The following SYTL3 variants were observed in gnomAD, a reference collection of about 807,000 sequenced individuals.
SYTL3 encodes the protein synaptotagmin like 3.
In SYTL3, 88 loss-of-function variants were observed where a neutral mutation model predicts 82.1. The observed-to-expected ratio is 1.07, with a 90% CI of 0.90 to 1.28. SYTL3 has a LOEUF of 1.28. SYTL3 is among the 50% of genes most tolerant of loss of function. SYTL3 has a pLI of 0.00. For missense variants in SYTL3, 831 were observed against 757.6 expected (o/e 1.10, Z -1.14); for synonymous variants, 311 against 289.4 (o/e 1.07, Z -0.76).
intron 17 of SYTL3, 98 bp downstream of exon 17, chr6:158,763,607 G>C (rs1280440017): frequency 2.7e-6 from 3 of 1,099,436 alleles, no homozygotes; most frequent in Non-Finnish European, 4.1e-6. Context: ...TGACTTAACT[G>C]GTTTTGAAAT....
In SYTL3 at chr6:158,754,912, G is replaced by A. The variant is rs150273849; in HGVS notation, c.1138-2299G>A. Among the ~76,000 whole-genome samples the A allele has an allele frequency of 2.4e-3, 368 of 152,326 alleles. 3 individuals are homozygous for A. Among genetic ancestry groups the A allele is most frequent in the African/African-American group, 2.9e-3 (121 of 41,572 alleles). Reference sequence around the variant, plus strand: ...TAAGTGGCGTGGCGTTCTAGTAACCGCTTCATTTCTCAGAGGGCAGCAGAT... The same window carrying A: ...TAAGTGGCGTGGCGTTCTAGTAACCACTTCATTTCTCAGAGGGCAGCAGAT... On this transcript the variant is annotated intron_variant, in intron 13 of 17. Transcript: ENST00000611299.
At chr6:158,708,921 C>T (rs148313665) in intron 8 of SYTL3, among the ~76,000 whole-genome samples, 30 of 152,246 alleles carry the variant, frequency 2.0e-4, no homozygotes, top group East Asian at 1.4e-3. Flanking sequence ...TGTCCCAATA[C>T]GCCCAAAGTA....
At chr6:158,758,228 C>T (rs1374429214) in intron 14 of SYTL3, among the ~76,000 whole-genome samples, 2 of 152,228 alleles carry the variant, frequency 1.3e-5, no homozygotes, top group East Asian at 3.9e-4. Context: ...ATCACAAGGT[C>T]AGGAGATTGA....
chr6:158,743,011 AG>A (rs533688348), intron 11 of SYTL3, among the ~76,000 whole-genome samples: 380 of 152,306 alleles, frequency 2.5e-3, no homozygotes, highest in Admixed American at 4.6e-3. Context: ...TTAGCTCCTC[AG>A]GTTCCCCATG....
In SYTL3 at chr6:158,707,271, C is replaced by T. The variant is rs748853493; in HGVS notation, c.436C>T (p.Gln146Ter). 1.2e-5 allele frequency: 19 copies of T among 1,613,774 alleles called. No homozygotes were observed. The Admixed American group carries it at 2.7e-4, about 23-fold the overall frequency. ...TVGGQLLQSY[Q>*]KLSKISVVPP... ...TGGAGGGCAGCTCTTGCAATCTTATCAGAAGCTGAGGTGAGTGTTACAAAG... is the reference window on the plus strand; with the variant it reads ...TGGAGGGCAGCTCTTGCAATCTTATTAGAAGCTGAGGTGAGTGTTACAAAG... The change falls in exon 7 of 18, where the codon CAG (glutamine) becomes TAG (stop). Residue 146 changes from glutamine (Q) to a stop codon, truncating the protein, a stop_gained. Coordinates refer to ENST00000611299, the MANE Select transcript of SYTL3 (RefSeq NM_001242394.2). LOFTEE classifies it high-confidence loss of function.
rs1781822364 is a variant in SYTL3 at position 158,704,861 on chromosome 6, GCAGGGT to G, written c.395-2368_395-2363del. Among the ~76,000 whole-genome samples the G allele has an allele frequency of 8.8e-5, 11 of 124,648 alleles. 1 individual carries two copies. The highest frequency in any genetic ancestry group is 5.3e-4 in the Admixed American group (7 of 13,106). The allele number at this position is 124,648 out of a possible 152,430, so 81.8% of individuals were successfully genotyped here. A position where few individuals can be genotyped will look rare whatever the true frequency, so the allele number is the denominator to read the frequency against. ...CCACATAGGGCAGGAGGGACCCAGG[GCAGGGT>G]GACAGTGAGGGCTGTAAGGCCACAT... On this transcript the variant is annotated intron_variant, in intron 6 of 17. Transcript: ENST00000611299.
intron 6 of SYTL3, among the ~76,000 whole-genome samples, chr6:158,699,404 G>A (rs1040707240): frequency 1.3e-5 from 2 of 152,194 alleles, no homozygotes; most frequent in African/African-American, 2.4e-5. Flanking sequence ...CATGTATAGG[G>A]ATTTGTATCG....
At chr6:158,752,804 CTG>C (rs1164218970) in intron 13 of SYTL3, among the ~76,000 whole-genome samples, 2 of 152,200 alleles carry the variant, frequency 1.3e-5, no homozygotes, top group Non-Finnish European at 2.9e-5. Flanking sequence ...TAGGGGGTGT[CTG>C]TGAGCTGCCA....
intron 4 of SYTL3, 37 bp downstream of exon 4, chr6:158,663,415 T>C (rs1478231874): frequency 3.7e-6 from 6 of 1,607,524 alleles, no homozygotes; most frequent in Middle Eastern, 2.1e-4. Flanking sequence ...TTTGGGTGTT[T>C]AGCTTTCTCT....
At chr6:158,762,905 A>G (rs1790176678) in intron 16 of SYTL3, among the ~76,000 whole-genome samples, 2 of 152,184 alleles carry the variant, frequency 1.3e-5, no homozygotes, top group Admixed American at 6.5e-5. Context: ...CGACAGAACA[A>G]AACTCCGTCT....
intron 2 of SYTL3, among the ~76,000 whole-genome samples, chr6:158,654,086 TC>T (rs1788382728): frequency 1.3e-5 from 2 of 152,206 alleles, no homozygotes; most frequent in Non-Finnish European, 2.9e-5. Flanking sequence ...TGTTTCAAAC[TC>T]CTAGTGCATG....
intron 5 of SYTL3, among the ~76,000 whole-genome samples, chr6:158,673,605 A>G (rs1276963950): frequency 6.6e-6 from 1 of 150,596 alleles, no homozygotes; most frequent in Admixed American, 6.6e-5. Context: ...ATGCCCCCCT[A>G]ATTTTTTGTA....
Position 158,760,764 on chromosome 6 carries a change from CCTGGACATTGTCT to C in SYTL3, c.1414+20_1414+32del. The C allele has an allele frequency of 6.3e-7, 1 of 1,582,260 alleles. No homozygotes were observed. Among genetic ancestry groups the C allele is most frequent in the Non-Finnish European group, 8.7e-7 (1 of 1,150,914 alleles). On this transcript the variant is annotated intron_variant, in intron 15 of 17. Transcript: ENST00000611299. ...CAAGAAGGTCAGTGGCCTCCAGCTC[CCTGGACATTGTCT>C]GTGTCATTGTCTGCAGAGCCTGGTG...
Position 158,751,944 on chromosome 6 carries a change from C to G in SYTL3, c.1051C>G (p.Leu351Val), listed in dbSNP as rs1187024966. 6.3e-7 allele frequency: 1 copy of G among 1,598,966 alleles called. No homozygotes were observed. Among genetic ancestry groups the G allele is most frequent in the Non-Finnish European group, 8.5e-7 (1 of 1,173,230 alleles). The change falls in exon 13 of 18, where the codon CTG becomes GTG. Residue 351 changes from leucine (L) to valine (V), a missense_variant. Physicochemically the swap from Leu to Val is conservative, Grantham distance 32 (BLOSUM62 1). Coordinates refer to ENST00000611299, the MANE Select transcript of SYTL3 (RefSeq NM_001242394.2). ...KKCNPYVKTY[L>V]LPDRSSQGKR... ...GGCCCCTAGGTATGTGAAGACCTAC[C>G]TGTTGCCCGACAGATCCTCCCAGGG...
intron 6 of SYTL3, among the ~76,000 whole-genome samples, chr6:158,689,165 C>T (rs1002225249): frequency 6.6e-6 from 1 of 152,086 alleles, no homozygotes; most frequent in African/African-American, 2.4e-5. Flanking sequence ...CAAAGAATAT[C>T]CTTGTAGATA....
At chr6:158,761,387 T>C (rs1236473681) in intron 15 of SYTL3, among the ~76,000 whole-genome samples, 1 of 144,628 alleles carries the variant, frequency 6.9e-6, no homozygotes, top group South Asian at 2.2e-4. Flanking sequence ...ACTGCAAGCT[T>C]CGCCTCCCTG....
chr6:158,736,528 C>T (rs1158476287), intron 11 of SYTL3, among the ~76,000 whole-genome samples: 2 of 151,976 alleles, frequency 1.3e-5, no homozygotes, highest in Admixed American at 1.3e-4. Flanking sequence ...GTAGCTTATG[C>T]CTGTAATCCC....
At chr6:158,743,598 CT>C (rs397887964) in intron 11 of SYTL3, among the ~76,000 whole-genome samples, 1,069 of 62,998 alleles carry the variant, frequency 0.017, 2 homozygotes, top group African/African-American at 0.073. Flanking sequence ...CCAGTCCAAG[CT>C]TTTTTTTTTT....
intron 10 of SYTL3, among the ~76,000 whole-genome samples, chr6:158,721,950 T>C (rs1784153660): frequency 6.6e-6 from 1 of 152,062 alleles, no homozygotes. Flanking sequence ...CGTCTTTAAA[T>C]AGAACATTCA....
Sources: allele counts gnomAD v4.1 joint callset (sites outside exome capture counted in the v4.1 genomes callset), GRCh38; gene constraint gnomAD v4.1.1; transcripts MANE v1.5; gene names NCBI Gene and HGNC (gene_info 2026-07-23, HGNC 2026-07-21).